CRYL1: variants seen among roughly 807,000 people sequenced by gnomAD.
The protein encoded by CRYL1 is lambda-crystallin homolog.
A neutral mutation model predicts 36.6 loss-of-function variants in CRYL1; 29 were observed. That is an observed-to-expected ratio of 0.79 (90% CI 0.59 to 1.08). The LOEUF (loss-of-function observed/expected upper bound fraction) is 1.08, where lower values mean the gene tolerates loss of function less well. Ranked by LOEUF, CRYL1 falls within the 50% of genes least tolerant of loss-of-function variation. The probability of loss-of-function intolerance (pLI) is 0.00; values close to 1 mark genes in which losing one functional copy is unlikely to be tolerated. For missense variants in CRYL1, 411 were observed against 407.9 expected, an observed-to-expected ratio of 1.01 and a Z score of -0.06; for synonymous variants, 152 against 151.5, an observed-to-expected ratio of 1.00 and a Z score of -0.02.
At chr13:20,434,678 C>T (rs2032168300) in intron 4 of CRYL1, among the ~76,000 whole-genome samples, 1 of 149,494 alleles carries the variant, frequency 6.7e-6, no homozygotes, top group Non-Finnish European at 1.5e-5. Context: ...GCTGTGGAAG[C>T]TTTGTCCTTT....
intron 3 of CRYL1, among the ~76,000 whole-genome samples, chr13:20,446,699 ACT>A (rs1035435526): frequency 6.6e-6 from 1 of 151,776 alleles, no homozygotes; most frequent in Non-Finnish European, 1.5e-5. Flanking sequence ...AAGACCTGTG[ACT>A]CACCTCTAGA....
At chr13:20,423,455 G>A (rs1159512913) in intron 5 of CRYL1, among the ~76,000 whole-genome samples, 1 of 152,170 alleles carries the variant, frequency 6.6e-6, no homozygotes, top group African/African-American at 2.4e-5. Flanking sequence ...CTAATTTGAA[G>A]AGAGTTTTAT....
At chr13:20,479,839 G>A (rs2033240530) in intron 3 of CRYL1, among the ~76,000 whole-genome samples, 1 of 152,182 alleles carries the variant, frequency 6.6e-6, no homozygotes, top group Non-Finnish European at 1.5e-5. Flanking sequence ...GCCCAGCCCT[G>A]GGGACAGAGC....
chr13:20,439,844 A>G (rs901163248), intron 3 of CRYL1, 90 bp from the exon 4 acceptor site: 10 of 1,281,296 alleles, frequency 7.8e-6, no homozygotes, highest in Non-Finnish European at 9.9e-6. Context: ...CCTCAAATGA[A>G]CCACTTTGAA....
Position 20,439,734 on chromosome 13 carries a change from T to G in CRYL1, c.297A>C (p.Leu99=), listed in dbSNP as rs922456573. ...MHIQECVPED[L]ELKKKIFAQL... ...GAGCAAAAATCTTCTTCTTCAGTTC[T>G]AGATCTTCTGGAACACATTCCTGAA... Residue 99 remains leucine (L), a synonymous_variant, in exon 4 of 8, where the codon CTA becomes CTC. Coordinates refer to ENST00000298248, the MANE Select transcript of CRYL1 (RefSeq NM_015974.3). 2.5e-6 allele frequency: 4 copies of G among 1,613,972 alleles called. No individual in the cohort carries two copies. Among genetic ancestry groups the G allele is most frequent in the African/African-American group, 2.7e-5 (2 of 74,918 alleles).
At chr13:20,503,795 G>A (rs2033745257) in intron 2 of CRYL1, among the ~76,000 whole-genome samples, 1 of 152,154 alleles carries the variant, frequency 6.6e-6, no homozygotes, top group African/African-American at 2.4e-5. Flanking sequence ...TCAAGATTAG[G>A]CCAGGGCAGA....
chr13:20,435,468 G>T lies in CRYL1; in HGVS notation c.439-3172C>A, dbSNP rs559299153. 1.6e-4 allele frequency among the ~76,000 whole-genome samples: 25 copies of T among 152,124 alleles called. No individual in the cohort carries two copies. The highest frequency in any genetic ancestry group is 5.6e-4 in the African/African-American group (23 of 41,432). ...CGCAAAAGGACCTTCGAGGTCTCCC[G>T]GCTGGGAAACAGTCTCCCTAACCAC... On this transcript the variant is annotated intron_variant, in intron 4 of 7. Coordinates refer to ENST00000298248, the MANE Select transcript of CRYL1 (RefSeq NM_015974.3). This position sits in a 1 kb window ranked among gnomAD's most constrained non-coding sequence, Gnocchi z 4.0.
chr13:20,489,257 A>T (rs2033460121), intron 3 of CRYL1, 113 bp downstream of exon 3: 1 of 1,306,176 alleles, frequency 7.7e-7, no homozygotes, highest in Non-Finnish European at 1.0e-6. Context: ...CTGCCCTTGA[A>T]GATGCAAAAT....
chr13:20,491,183 A>G (rs570772138), intron 2 of CRYL1, among the ~76,000 whole-genome samples: 52 of 152,286 alleles, frequency 3.4e-4, no homozygotes, highest in African/African-American at 1.3e-3. Flanking sequence ...CTGGGATTAT[A>G]AGCGTGAGCC....
chr13:20,443,653 A>G (rs2032394835), intron 3 of CRYL1, among the ~76,000 whole-genome samples: 1 of 152,152 alleles, frequency 6.6e-6, no homozygotes, highest in African/African-American at 2.4e-5. Context: ...TCAGCCTCCC[A>G]AAGTGCTGGG....
At chr13:20,417,629 CCAGA>C (rs1268207332) in intron 5 of CRYL1, among the ~76,000 whole-genome samples, 2 of 152,136 alleles carry the variant, frequency 1.3e-5, no homozygotes, top group Admixed American at 6.5e-5. Context: ...CAAAGAGATC[CCAGA>C]CAGTGTTAAG....
chr13:20,456,283 G>C (rs907137095), intron 3 of CRYL1, among the ~76,000 whole-genome samples: 2 of 151,886 alleles, frequency 1.3e-5, no homozygotes, highest in Admixed American at 6.6e-5. Context: ...AGACAAGCCT[G>C]GGCAACATGA....
chr13:20,475,149 G>A (rs7991441), intron 3 of CRYL1, among the ~76,000 whole-genome samples: 80,708 of 151,966 alleles, frequency 0.53, 22,530 homozygotes, highest in South Asian at 0.73. Context: ...GGAAGGAGCA[G>A]ACAACTGGAC....
intron 3 of CRYL1, among the ~76,000 whole-genome samples, chr13:20,453,414 ATTCTAATATAT>A (rs1468823269): frequency 1.9e-4 from 26 of 136,366 alleles, no homozygotes; most frequent in African/African-American, 8.6e-4. Flanking sequence ...ATTTTGAAAT[ATTCTAATATAT>A]TTGAATATTT....
chr13:20,517,662 C>T (rs1244270341), intron 1 of CRYL1, among the ~76,000 whole-genome samples: 2 of 151,684 alleles, frequency 1.3e-5, no homozygotes, highest in Non-Finnish European at 2.9e-5. Context: ...AGTGGCCGGG[C>T]GCAGTGGCTC....
chr13:20,472,812 C>T (rs942017948), intron 3 of CRYL1, among the ~76,000 whole-genome samples: 1 of 152,334 alleles, frequency 6.6e-6, no homozygotes, highest in East Asian at 1.9e-4. Flanking sequence ...TGGAACAACA[C>T]ATGGATGCTG....
chr13:20,513,635 G>A (rs1427606100), intron 1 of CRYL1: 1 of 152,164 alleles, frequency 6.6e-6, no homozygotes, highest in Non-Finnish European at 1.5e-5. Flanking sequence ...TCTGACTCCT[G>A]AGTCCTTCCT....
rs528715970 is a variant in CRYL1 at position 20,443,328 on chromosome 13, A to G, written c.277-3574T>C. 6.6e-5 allele frequency among the ~76,000 whole-genome samples: 10 copies of G among 151,736 alleles called. No homozygotes were observed. In the South Asian group the frequency reaches 2.1e-3, roughly 31 times the overall value. ...TCCAAAACATACATTTTCATGGTGA[A>G]AAAAAAATTCTGTCAAGTTTGTTAT... is the stretch of plus-strand genomic sequence containing the variant. On this transcript the variant is annotated intron_variant, in intron 3 of 7. Coordinates refer to ENST00000298248, the MANE Select transcript of CRYL1 (RefSeq NM_015974.3).
Position 20,468,319 on chromosome 13 carries a change from G to A in CRYL1, c.276+21051C>T, listed in dbSNP as rs145535945. Among the ~76,000 whole-genome samples, 238 of 152,144 alleles carry A rather than the reference G, an allele frequency of 1.6e-3. 1 individual carries two copies. Among genetic ancestry groups the A allele is most frequent in the African/African-American group, 5.3e-3 (218 of 41,496 alleles). On this transcript the variant is annotated intron_variant, in intron 3 of 7. Transcript: ENST00000298248. ...ATTTTAGTTTATTTTTAGAGACAAC[G>A]TCTCCCTGTGTTGCCCAGACAGGAC...
Sources: gnomAD v4.1 joint callset for allele counts (sites outside exome capture counted in the v4.1 genomes callset) on GRCh38, gnomAD v4.1.1 for gene constraint, Gnocchi (gnomAD v3.1) non-coding constraint, MANE v1.5 for transcripts, NCBI Gene and HGNC (gene_info 2026-07-23, HGNC 2026-07-21) for gene names.